The following TSPAN33 variants were observed in gnomAD, a reference collection of about 807,000 sequenced individuals.
TSPAN33 encodes the protein tetraspanin 33.
A neutral mutation model predicts 34.8 loss-of-function variants in TSPAN33; 27 were observed. That is an observed-to-expected ratio of 0.78 (90% confidence interval 0.57 to 1.07). The LOEUF is 1.07. Among genes scored for constraint, TSPAN33 ranks in the 50% least tolerant of loss-of-function variants. TSPAN33 has a pLI of 0.00. For synonymous variants in TSPAN33, 119 were observed against 124.2 expected (o/e 0.96, Z 0.28); for missense variants, 272 against 324.9 (o/e 0.84, Z 1.25).
chr7:129,162,638 C>A, intron 3 of TSPAN33, 117 bp downstream of exon 3: 1 of 1,526,194 alleles, frequency 6.6e-7, no homozygotes, highest in Non-Finnish European at 8.9e-7. Context: ...TGCTGTCCAC[C>A]CCTCAGTGCA....
intron 1 of TSPAN33, among the ~76,000 whole-genome samples, chr7:129,153,349 T>C (rs1438416323): frequency 1.3e-5 from 2 of 152,316 alleles, no homozygotes; most frequent in Admixed American, 6.5e-5. Flanking sequence ...GTGAATGTAC[T>C]AAAGGCCACT....
chr7:129,157,827 A>G (rs1206816310), intron 1 of TSPAN33, among the ~76,000 whole-genome samples: 3 of 152,230 alleles, frequency 2.0e-5, no homozygotes, highest in Admixed American at 1.3e-4. Flanking sequence ...ATAGCAGCAG[A>G]TGAATTGGAT....
At chr7:129,161,579 A>T (rs1435352854) in intron 1 of TSPAN33, 100 bp from the exon 2 acceptor site, 2 of 1,170,158 alleles carry the variant, frequency 1.7e-6, no homozygotes, top group Non-Finnish European at 2.5e-6. Context: ...TTTGGGTCCC[A>T]GGAAAGCAGT....
intron 1 of TSPAN33, among the ~76,000 whole-genome samples, chr7:129,159,840 T>C (rs1227821433): frequency 3.9e-5 from 6 of 152,152 alleles, no homozygotes; most frequent in Non-Finnish European, 7.4e-5. Flanking sequence ...AATAACACTT[T>C]GGGCCCTGAG....
chr7:129,164,535 A>G lies in TSPAN33; in HGVS notation c.425A>G (p.Asp142Gly). ...NAIVHYRDDLDLQNLIDFGQK... is the reference protein window; with the variant it reads ...NAIVHYRDDLGLQNLIDFGQK... ...ATTGTGCACTACCGAGATGACTTGGATCTGCAGAACCTCATTGATTTTGGC... is the reference window on the plus strand; with the variant it reads ...ATTGTGCACTACCGAGATGACTTGGGTCTGCAGAACCTCATTGATTTTGGC... The change falls in exon 5 of 8, where the codon GAT becomes GGT. Residue 142 changes from aspartate (D) to glycine (G), a missense_variant. Transcript: ENST00000486685. 6.2e-7 allele frequency: 1 copy of G among 1,614,034 alleles called. No individual in the cohort carries two copies. The highest frequency in any genetic ancestry group is 8.5e-7 in the Non-Finnish European group (1 of 1,179,994).
At position 129,168,074 on chromosome 7, in the gene TSPAN33, C is replaced by G. The variant is rs750435409; in HGVS notation, c.*200C>G. The G allele has an allele frequency of 2.9e-6, 3 of 1,050,566 alleles. No homozygotes were observed. The highest frequency in any genetic ancestry group is 2.9e-5 in the Admixed American group (1 of 34,572). The allele number at this position is 1,050,566 out of a possible 1,614,324, so 65.1% of individuals were successfully genotyped here. A position where few individuals can be genotyped will look rare whatever the true frequency, so the allele number is the denominator to read the frequency against. On this transcript the variant is annotated 3_prime_UTR_variant, in exon 8 of 8. Transcript: ENST00000486685. ...TCAGGAGGATGCGCCTCCTCTCCCC[C>G]ATCCCAGCCCTCAGCATTGTGCCAG...
intron 6 of TSPAN33, 26 bp downstream of exon 6, chr7:129,166,932 C>A: frequency 6.2e-7 from 1 of 1,605,862 alleles, no homozygotes; most frequent in Non-Finnish European, 8.5e-7. Flanking sequence ...GCCTCATTTC[C>A]TCCTAGGCAG....
intron 1 of TSPAN33, among the ~76,000 whole-genome samples, chr7:129,151,693 C>G (rs976933264): frequency 6.6e-6 from 1 of 152,100 alleles, no homozygotes; most frequent in African/African-American, 2.4e-5. Context: ...TTCATTTTCT[C>G]CTTTCTCCCA....
chr7:129,149,598 T>G (rs6962821), intron 1 of TSPAN33, among the ~76,000 whole-genome samples: 151,273 of 152,336 alleles, frequency 0.99, 75,120 homozygotes, highest in Middle Eastern at 1. Context: ...TCAGATCTTT[T>G]TAGGAGGCTA....
At position 129,162,868 on chromosome 7, in the gene TSPAN33, G is replaced by C; in HGVS notation, c.324G>C (p.Gln108His). The change falls in exon 4 of 8, where the codon CAG becomes CAC. Residue 108 changes from glutamine (Q) to histidine (H), a missense_variant. Gln to His is a conservative substitution (Grantham distance 24). Coordinates refer to ENST00000486685, the MANE Select transcript of TSPAN33 (RefSeq NM_178562.5). The stretch of plus-strand genomic sequence containing the variant: ...GCCTCACCGCTGTGTTCCTGCTGCA[G>C]CTGGCCGCTGGGATCCTGGGCTTCG... ...SLCLTAVFLL[Q>H]LAAGILGFVF... is the part of the protein sequence containing the mutation. 6.2e-7 allele frequency: 1 copy of C among 1,613,962 alleles called. No homozygotes were observed. The highest frequency in any genetic ancestry group is 8.5e-7 in the Non-Finnish European group (1 of 1,179,940).
In TSPAN33 at chr7:129,161,672, T is replaced by C. The variant is rs753215936; in HGVS notation, c.103-7T>C. ...CTCAGGGTCTGGCTCTTTTCCTGTC[T>C]CCACAGGTGATTTCCATGGTGATGG... is the stretch of plus-strand genomic sequence containing the variant. On this transcript the variant is annotated splice_polypyrimidine_tract_variant and splice_region_variant and intron_variant, in intron 1 of 7. Transcript: ENST00000486685. 9 of 1,613,952 alleles carry C rather than the reference T, an allele frequency of 5.6e-6. No individual in the cohort carries two copies.
intron 1 of TSPAN33, among the ~76,000 whole-genome samples, chr7:129,157,533 G>T (rs1043045973): frequency 1.3e-5 from 2 of 152,158 alleles, no homozygotes; most frequent in South Asian, 4.1e-4. Flanking sequence ...ATCCCTGGCT[G>T]ATTATTCTTT....
rs2150630552 is a variant in TSPAN33, at chr7:129,169,445, C to A, written c.*1571C>A. 1 of 152,400 alleles carries A rather than the reference C, an allele frequency of 6.6e-6. No homozygotes were observed. Among genetic ancestry groups the A allele is most frequent in the East Asian group, 1.9e-4 (1 of 5,176 alleles). 9.4% of individuals were successfully genotyped at this position (152,400 alleles called of 1,614,324 possible). On this transcript the variant is annotated 3_prime_UTR_variant, in exon 8 of 8. Coordinates refer to ENST00000486685, the MANE Select transcript of TSPAN33 (RefSeq NM_178562.5). ...CTAGCTGCTTGCCCAGCGAGTGTTC[C>A]CGGAGTCTCCTCGCCGCACCCCGCT...
intron 4 of TSPAN33, among the ~76,000 whole-genome samples, chr7:129,163,333 CTTTT>C (rs57365994): frequency 2.4e-5 from 3 of 124,872 alleles, no homozygotes; most frequent in East Asian, 2.4e-4. Flanking sequence ...TTCTTTCTTT[CTTTT>C]TTTTTTTTTT....
intron 4 of TSPAN33, among the ~76,000 whole-genome samples, chr7:129,164,139 C>T (rs1793100018): frequency 6.6e-6 from 1 of 152,204 alleles, no homozygotes; most frequent in South Asian, 2.1e-4. Flanking sequence ...CAGTAAGCTA[C>T]TTTCTGCTAA....
chr7:129,162,406 C>G lies in TSPAN33; in HGVS notation c.173C>G (p.Ala58Gly). 1.2e-6 allele frequency: 2 copies of G among 1,613,416 alleles called. No individual in the cohort carries two copies. The highest frequency in any genetic ancestry group is 8.5e-7 in the Non-Finnish European group (1 of 1,180,018). ...RLMKHAEAAL[A>G]CLAVDPAILL... ...GCTCCTTTTCCAGAAGCAGCCCTAG[C>G]CTGCCTGGCAGTGGACCCTGCCATC... The change falls in exon 3 of 8, where the codon GCC becomes GGC. Residue 58 changes from alanine to glycine, a missense_variant. Transcript: ENST00000486685.
chr7:129,145,044 G>A lies in TSPAN33; in HGVS notation c.64G>A (p.Val22Met), dbSNP rs1810499398. 1.4e-6 allele frequency: 1 copy of A among 732,832 alleles called. No homozygotes were observed. The highest frequency in any genetic ancestry group is 2.5e-6 in the Non-Finnish European group (1 of 396,604). The allele number at this position is 732,832 out of a possible 1,614,324, so 45.4% of individuals were successfully genotyped here. ...GGAGTTCTCCTTCGTCAGCCCGCTG[G>A]TGAAATACCTGCTCTTCTTCTTCAA... is the stretch of plus-strand genomic sequence containing the variant. ...GEEFSFVSPL[V>M]KYLLFFFNML... The change falls in exon 1 of 8, where the codon GTG becomes ATG. Residue 22 changes from valine to methionine, a missense_variant. Transcript: ENST00000486685.
chr7:129,162,892 C>T lies in TSPAN33; in HGVS notation c.348C>T (p.Phe116=), dbSNP rs766997956. Residue 116 remains phenylalanine (F), a synonymous_variant, in exon 4 of 8, where the codon TTC becomes TTT. Coordinates refer to ENST00000486685, the MANE Select transcript of TSPAN33 (RefSeq NM_178562.5). ...LLQLAAGILG[F]VFSDKARGKV... is the part of the protein sequence containing the mutation. ...AGCTGGCCGCTGGGATCCTGGGCTT[C>T]GTCTTCTCAGACAAGGTAACACTGG... 8.7e-6 allele frequency: 14 copies of T among 1,613,698 alleles called. No individual in the cohort carries two copies. Among genetic ancestry groups the T allele is most frequent in the South Asian group, 1.1e-5 (1 of 91,086 alleles).
chr7:129,168,105 T>G lies in TSPAN33; in HGVS notation c.*231T>G. ...AGCCCTCAGCATTGTGCCAGAGTGA[T>G]ACCCTTAAGTGTTTGGGTTTATGTT... On this transcript the variant is annotated 3_prime_UTR_variant, in exon 8 of 8. Transcript: ENST00000486685. 1.3e-6 allele frequency: 1 copy of G among 782,892 alleles called. No individual in the cohort carries two copies. The highest frequency in any genetic ancestry group is 1.9e-6 in the Non-Finnish European group (1 of 521,184). The allele number at this position is 782,892 out of a possible 1,614,324, so 48.5% of individuals were successfully genotyped here. A position where few individuals can be genotyped will look rare whatever the true frequency, so the allele number is the denominator to read the frequency against.
Sources: allele counts gnomAD v4.1 joint callset (sites outside exome capture counted in the v4.1 genomes callset), GRCh38; gene constraint gnomAD v4.1.1; transcripts MANE v1.5; gene names NCBI Gene and HGNC (gene_info 2026-07-23, HGNC 2026-07-21).